The following PM20D2 variants were observed in gnomAD, a reference collection of about 807,000 sequenced individuals.
PM20D2 encodes peptidase M20 domain containing 2, also known as xaa-Arg dipeptidase.
A neutral mutation model predicts 42.9 loss-of-function variants in PM20D2; 33 were observed. The ratio of observed to expected loss-of-function variants is 0.77; its 90% CI spans 0.58 to 1.03. PM20D2 has a LOEUF of 1.03. Ranked by LOEUF, PM20D2 falls within the 50% of genes least tolerant of loss-of-function variation. The pLI is 0.00. For synonymous variants in PM20D2, 250 were observed against 228.2 expected, an observed-to-expected ratio of 1.10 and a Z score of -0.86; for missense variants, 548 against 557.0, an observed-to-expected ratio of 0.98 and a Z score of 0.16.
intron 5 of PM20D2, among the ~76,000 whole-genome samples, chr6:89,160,340 T>G (rs1258738440): frequency 6.6e-6 from 1 of 152,256 alleles, no homozygotes; most frequent in African/African-American, 2.4e-5. Flanking sequence ...AGCCTTGGTT[T>G]CTTCATGTTT....
intron 1 of PM20D2, among the ~76,000 whole-genome samples, chr6:89,147,191 G>A (rs548953480): frequency 1.5e-4 from 23 of 152,186 alleles, no homozygotes; most frequent in Non-Finnish European, 2.4e-4. Context: ...TCATCCTTAA[G>A]TCTTAATTTT....
intron 4 of PM20D2, among the ~76,000 whole-genome samples, chr6:89,157,933 G>A (rs954222737): frequency 3.9e-5 from 6 of 152,168 alleles, no homozygotes; most frequent in African/African-American, 1.4e-4. Context: ...TTTGAACCTG[G>A]GAGGCGGAGG....
At chr6:89,115,552 G>C in the PM20D2 span, among the ~76,000 whole-genome samples, 1,846 of 152,046 alleles carry the variant, frequency 0.012, 27 homozygotes, top group Non-Finnish European at 0.015. Flanking sequence ...AAAGTGCTGG[G>C]ATTACAGGCG....
At chr6:89,104,941 C>G in the PM20D2 span, among the ~76,000 whole-genome samples, 1 of 151,828 alleles carries the variant, frequency 6.6e-6, no homozygotes, top group Non-Finnish European at 1.5e-5. Context: ...CTGTAGTACC[C>G]GCTACTTGGG....
At chr6:89,127,046 A>T in the PM20D2 span, among the ~76,000 whole-genome samples, 1 of 152,226 alleles carries the variant, frequency 6.6e-6, no homozygotes, top group Non-Finnish European at 1.5e-5. Context: ...ATACTAAAAA[A>T]CAACCCTAAT....
chr6:89,103,524 TC>T, the PM20D2 span, among the ~76,000 whole-genome samples: 1,200 of 152,290 alleles, frequency 7.9e-3, 14 homozygotes, highest in African/African-American at 0.028. Flanking sequence ...ACACGGGGTT[TC>T]GCCATGTTGG....
At chr6:89,117,379 C>T in the PM20D2 span, among the ~76,000 whole-genome samples, 1 of 152,242 alleles carries the variant, frequency 6.6e-6, no homozygotes, top group African/African-American at 2.4e-5. Context: ...AACGTTCTCA[C>T]CAGCCCCAAT....
chr6:89,154,729 A>G lies in PM20D2; in HGVS notation c.758-19A>G. 1 of 1,468,924 alleles carries G rather than the reference A, an allele frequency of 6.8e-7. No individual in the cohort carries two copies. The highest frequency in any genetic ancestry group is 9.1e-7 in the Non-Finnish European group (1 of 1,096,840). The allele number at this position is 1,468,924 out of a possible 1,614,324, so 91.0% of individuals were successfully genotyped here. A position where few individuals can be genotyped will look rare whatever the true frequency, so the allele number is the denominator to read the frequency against. On this transcript the variant is annotated intron_variant, in intron 3 of 6. Coordinates refer to ENST00000275072, the MANE Select transcript of PM20D2 (RefSeq NM_001010853.3). Reference sequence around the variant, plus strand: ...AATGGTCACCAAGCTTAATTCTAGTAATTTGGTTCTTTTTATAGGTATAAT... The same window carrying G: ...AATGGTCACCAAGCTTAATTCTAGTGATTTGGTTCTTTTTATAGGTATAAT...
the PM20D2 span, among the ~76,000 whole-genome samples, chr6:89,099,970 G>C: frequency 1.3e-5 from 2 of 152,158 alleles, no homozygotes; most frequent in East Asian, 3.9e-4. Flanking sequence ...TTTTTCAAAT[G>C]ACAGCATGGA....
At chr6:89,161,757 C>G in intron 5 of PM20D2, 26 bp from the exon 6 acceptor site, 2 of 1,529,566 alleles carry the variant, frequency 1.3e-6, no homozygotes, top group Non-Finnish European at 1.8e-6. Context: ...CTTAAATAGA[C>G]TTTTCTTAAC....
the PM20D2 span, chr6:89,105,420 C>T: frequency 1.3e-6 from 2 of 1,594,944 alleles, no homozygotes; most frequent in Admixed American, 3.7e-5. Flanking sequence ...CATTCAGTCA[C>T]ACTTACTTTT....
chr6:89,111,107 GTC>G, the PM20D2 span, among the ~76,000 whole-genome samples: 14 of 143,318 alleles, frequency 9.8e-5, no homozygotes, highest in African/African-American at 3.7e-4. Context: ...GGTGAGACTT[GTC>G]TTTTTTTTTT....
the PM20D2 span, among the ~76,000 whole-genome samples, chr6:89,102,611 A>G: frequency 3.3e-5 from 5 of 152,356 alleles, no homozygotes; most frequent in African/African-American, 7.2e-5. Context: ...GAAGGACGCT[A>G]TAATATATTT....
chr6:89,161,762 C>T (rs1652079853), intron 5 of PM20D2, 21 bp from the exon 6 acceptor site: 1 of 1,547,898 alleles, frequency 6.5e-7, no homozygotes, highest in African/African-American at 1.4e-5. Flanking sequence ...ATAGACTTTT[C>T]TTAACTTTGT....
chr6:89,128,968 G>T, the PM20D2 span, among the ~76,000 whole-genome samples: 7 of 152,228 alleles, frequency 4.6e-5, no homozygotes, highest in Middle Eastern at 3.4e-3. Context: ...ACCACCAAAA[G>T]AAAGCAATCA....
the PM20D2 span, among the ~76,000 whole-genome samples, chr6:89,113,952 A>G: frequency 6.6e-6 from 1 of 152,184 alleles, no homozygotes; most frequent in South Asian, 2.1e-4. Flanking sequence ...CTTTAAAGCT[A>G]ATTTTAAAAG....
chr6:89,149,976 C>T (rs1472152636), intron 2 of PM20D2, among the ~76,000 whole-genome samples: 1 of 152,096 alleles, frequency 6.6e-6, no homozygotes, highest in African/African-American at 2.4e-5. Flanking sequence ...TTTTTAGTAC[C>T]TAGGAGCACA....
intron 1 of PM20D2, among the ~76,000 whole-genome samples, chr6:89,147,708 C>A (rs1770643317): frequency 6.7e-6 from 1 of 149,234 alleles, no homozygotes; most frequent in Non-Finnish European, 1.5e-5. Flanking sequence ...ATGGTGAAAC[C>A]TCTGTCTCTA....
At chr6:89,105,374 C>G in the PM20D2 span, 1 of 1,564,330 alleles carries the variant, frequency 6.4e-7, no homozygotes, top group Non-Finnish European at 8.7e-7. Context: ...AATCAGTCAT[C>G]ACTGAAACTC....
Sources: gnomAD v4.1 joint callset for allele counts (sites outside exome capture counted in the v4.1 genomes callset) on GRCh38, gnomAD v4.1.1 for gene constraint, MANE v1.5 for transcripts, NCBI Gene and HGNC (gene_info 2026-07-23, HGNC 2026-07-21) for gene names.